Variants in MIDEAS observed in about 807,000 individuals in gnomAD.
The protein encoded by MIDEAS is mitotic deacetylase associated SANT domain protein, also known as mitotic deacetylase-associated SANT domain protein.
In MIDEAS, 26 loss-of-function variants were observed where a neutral mutation model predicts 102.7. The observed-to-expected ratio is 0.25, with a 90% CI of 0.19 to 0.35. The LOEUF (loss-of-function observed/expected upper bound fraction) is 0.35, where lower values mean the gene tolerates loss of function less well. MIDEAS is among the 10% of genes least tolerant of loss of function. The probability of loss-of-function intolerance (pLI) is 1.00; values close to 1 mark genes in which losing one functional copy is unlikely to be tolerated. For synonymous variants in MIDEAS, 585 were observed against 591.0 expected (o/e 0.99, Z 0.15); for missense variants, 1,231 against 1,435.6 (o/e 0.86, Z 2.30).
intron 1 of MIDEAS, among the ~76,000 whole-genome samples, chr14:73,777,615 T>C (rs1481312065): frequency 6.6e-6 from 1 of 151,994 alleles, no homozygotes; most frequent in Admixed American, 6.6e-5. Flanking sequence ...AGCTGCTCCC[T>C]GTACCTAGAA....
At chr14:73,779,738 C>T (rs1473280249) in intron 1 of MIDEAS, among the ~76,000 whole-genome samples, 3 of 144,292 alleles carry the variant, frequency 2.1e-5, no homozygotes, top group Non-Finnish European at 4.6e-5. Context: ...CCACCGCGCC[C>T]GGCTAATTTT....
At chr14:73,784,263 G>A (rs915133046) in intron 1 of MIDEAS, among the ~76,000 whole-genome samples, 1 of 152,254 alleles carries the variant, frequency 6.6e-6, no homozygotes, top group Non-Finnish European at 1.5e-5. Flanking sequence ...CACCATTTAG[G>A]TAAGGTGAAG....
chr14:73,789,930 A>C (rs1300598627), upstream of MIDEAS: 1 of 152,254 alleles, frequency 6.6e-6, no homozygotes, highest in Non-Finnish European at 1.5e-5. Context: ...GGCTTGGCCC[A>C]AACAGTGGCT....
intron 1 of MIDEAS, among the ~76,000 whole-genome samples, chr14:73,765,859 C>T (rs2053588371): frequency 6.6e-6 from 1 of 152,086 alleles, no homozygotes; most frequent in Admixed American, 6.6e-5. Context: ...CTGTTGGAGC[C>T]CCAGATCTAC....
chr14:73,726,765 G>T, intron 6 of MIDEAS, 58 bp from the exon 7 acceptor site: 1 of 1,611,284 alleles, frequency 6.2e-7, no homozygotes, highest in Non-Finnish European at 8.5e-7. Flanking sequence ...GGCGGGGCTG[G>T]GCAGGGTGAG....
At chr14:73,750,620 G>A (rs535454129) in intron 1 of MIDEAS, among the ~76,000 whole-genome samples, 3 of 152,318 alleles carry the variant, frequency 2.0e-5, no homozygotes, top group East Asian at 1.9e-4. Context: ...ATGGAGAAAG[G>A]TGGCTTGGGC....
rs370717109 is a variant in MIDEAS at position 73,772,346 on chromosome 14, A to G, written c.-248+14756T>C. ...AAACACACACACATGCTCTACCCAT[A>G]ACCTCTTTGCCCAAATCCAGTTATT... On this transcript the variant is annotated intron_variant, in intron 1 of 11. Transcript: ENST00000394071. 9.8e-5 allele frequency among the ~76,000 whole-genome samples: 15 copies of G among 152,394 alleles called. No individual in the cohort carries two copies. The East Asian group carries it at 2.7e-3, about 27-fold the overall frequency.
At chr14:73,727,700 T>A in intron 4 of MIDEAS, 176 bp from the exon 5 acceptor site, 1 of 587,886 alleles carries the variant, frequency 1.7e-6, no homozygotes, top group Non-Finnish European at 2.9e-6. Flanking sequence ...ACGCAGGCCC[T>A]TCACTAAATA....
At chr14:73,752,568 A>G (rs2053433705) in intron 1 of MIDEAS, among the ~76,000 whole-genome samples, 1 of 152,124 alleles carries the variant, frequency 6.6e-6, no homozygotes, top group South Asian at 2.1e-4. Context: ...GCGACCAGGA[A>G]GCAAAAAAAT....
In MIDEAS at chr14:73,718,897, G is replaced by A; in HGVS notation, c.3246C>T (p.Ala1082=). The change falls in exon 13 of 13, where the codon GCC becomes GCT. Residue 1082 remains alanine (A), a synonymous_variant. Transcript: ENST00000423556. ...LKEKEAAAAA[A]AAHQQALREE... is the part of the protein sequence containing the mutation. ...CCCGCAGGGCCTGCTGGTGGGCGGCGGCGGCGGCAGCAGCGGCCTCTTTCT... is the reference window on the plus strand; with the variant it reads ...CCCGCAGGGCCTGCTGGTGGGCGGCAGCGGCGGCAGCAGCGGCCTCTTTCT... 3 of 1,520,182 alleles carry A rather than the reference G, an allele frequency of 2.0e-6. No homozygotes were observed. Among genetic ancestry groups the A allele is most frequent in the South Asian group, 1.2e-5 (1 of 82,242 alleles). The allele number at this position is 1,520,182 out of a possible 1,614,324, so 94.2% of individuals were successfully genotyped here.
intron 1 of MIDEAS, among the ~76,000 whole-genome samples, chr14:73,756,267 A>AGTGTGT (rs772519833): frequency 0.018 from 2,535 of 141,084 alleles, 69 homozygotes; most frequent in African/African-American, 0.058. Context: ...AGCCCATGTC[A>AGTGTGT]GTGTGTGTGT....
chr14:73,759,873 T>G lies in MIDEAS; in HGVS notation c.-358A>C, dbSNP rs2053537156. On this transcript the variant is annotated 5_prime_UTR_variant, in exon 1 of 13. Transcript: ENST00000423556. The surrounding 1 kb of genome is among the most constrained non-coding windows in gnomAD (Gnocchi z 6.7). Reference sequence around the variant, plus strand: ...AGCCGCCTGCACGCACTCCCGATTTTAAAAACAAACAGGCGCCGTCGCCTC... The same window carrying G: ...AGCCGCCTGCACGCACTCCCGATTTGAAAAACAAACAGGCGCCGTCGCCTC... The G allele has an allele frequency of 6.6e-6, 1 of 151,700 alleles. No homozygotes were observed. Among genetic ancestry groups the G allele is most frequent in the Non-Finnish European group, 1.5e-5 (1 of 67,866 alleles). The allele number at this position is 151,700 out of a possible 1,614,324, so 9.4% of individuals were successfully genotyped here.
intron 1 of MIDEAS, among the ~76,000 whole-genome samples, chr14:73,771,634 A>G (rs986853246): frequency 6.6e-6 from 1 of 152,222 alleles, no homozygotes; most frequent in African/African-American, 2.4e-5. Flanking sequence ...AGGTGCTCAG[A>G]AGACAGTCAG....
chr14:73,767,537 C>T (rs1255689877), intron 1 of MIDEAS, among the ~76,000 whole-genome samples: 2 of 152,126 alleles, frequency 1.3e-5, no homozygotes, highest in African/African-American at 4.8e-5. Context: ...ACTTGGGAGG[C>T]TGAGGTGGGA....
chr14:73,719,011 G>A lies in MIDEAS; in HGVS notation c.3135-3C>T. ...GGCTCTTCACCTTGTAAAACACCCTGCAGCCGGGTGGGGGTTGCTCAGAAC... is the reference window on the plus strand; with the variant it reads ...GGCTCTTCACCTTGTAAAACACCCTACAGCCGGGTGGGGGTTGCTCAGAAC... On this transcript the variant is annotated splice_polypyrimidine_tract_variant and splice_region_variant and intron_variant, in intron 12 of 12. Coordinates refer to ENST00000423556, the MANE Select transcript of MIDEAS (RefSeq NM_001367710.1). 6.8e-7 allele frequency: 1 copy of A among 1,474,926 alleles called. No individual in the cohort carries two copies. The highest frequency in any genetic ancestry group is 8.9e-7 in the Non-Finnish European group (1 of 1,120,720). 91.4% of individuals were successfully genotyped at this position (1,474,926 alleles called of 1,614,324 possible). A position where few individuals can be genotyped will look rare whatever the true frequency, so the allele number is the denominator to read the frequency against.
chr14:73,778,361 T>G (rs2053710734), intron 1 of MIDEAS, among the ~76,000 whole-genome samples: 1 of 145,890 alleles, frequency 6.9e-6, no homozygotes, highest in Non-Finnish European at 1.5e-5. Flanking sequence ...AGACTCTGTC[T>G]CAAAAAAAAA....
At chr14:73,737,362 G>A (rs1442248581) in intron 2 of MIDEAS, 65 bp from the exon 3 acceptor site, 103 of 1,494,526 alleles carry the variant, frequency 6.9e-5, no homozygotes, top group Non-Finnish European at 9.0e-5. Flanking sequence ...AGTGGCTCAC[G>A]CCTATAATTC....
At chr14:73,769,902 G>GTTTTTTTTTTTTTTTTTTTT in intron 1 of MIDEAS, among the ~76,000 whole-genome samples, 1 of 109,810 alleles carries the variant, frequency 9.1e-6, no homozygotes, top group Non-Finnish European at 1.8e-5. Flanking sequence ...GCCCGGCTGG[G>GTTTTTTTTTTTTTTTTTTTT]TTTTTTTTTT....
chr14:73,761,284 A>T (rs2140158361), upstream of MIDEAS, among the ~76,000 whole-genome samples: 1 of 152,224 alleles, frequency 6.6e-6, no homozygotes, highest in African/African-American at 2.4e-5. Context: ...GCAGCAGAAT[A>T]TGATTCTCAC....
Sources: gnomAD v4.1 joint callset for allele counts (sites outside exome capture counted in the v4.1 genomes callset) on GRCh38, gnomAD v4.1.1 for gene constraint, Gnocchi (gnomAD v3.1) non-coding constraint, MANE v1.5 for transcripts, NCBI Gene and HGNC (gene_info 2026-07-23, HGNC 2026-07-21) for gene names.